Variants in WDR72 observed in about 807,000 individuals in gnomAD.
WDR72 encodes WD repeat-containing protein 72.
Under a neutral mutation model 124.2 loss-of-function variants are expected in WDR72, and 120 were observed. The ratio of observed to expected loss-of-function variants is 0.97; its 90% confidence interval spans 0.83 to 1.12. The LOEUF (loss-of-function observed/expected upper bound fraction) is 1.12. WDR72 is among the 50% of genes most tolerant of loss of function. The pLI, the probability that WDR72 is intolerant of heterozygous loss-of-function variation, is 0.00. For synonymous variants in WDR72, 452 were observed against 441.7 expected (o/e 1.02, Z -0.29); for missense variants, 1,387 against 1,278.8 (o/e 1.08, Z -1.29).
intron 3 of WDR72, among the ~76,000 whole-genome samples, chr15:53,720,345 G>T (rs10518736): frequency 2.6e-5 from 4 of 151,956 alleles, no homozygotes; most frequent in African/African-American, 9.7e-5. Context: ...CCAGAATCGC[G>T]TGTGTGTGAA....
chr15:53,613,500 ATGACT>A (rs1217970881), intron 16 of WDR72, among the ~76,000 whole-genome samples, 161 bp downstream of exon 16: 3 of 152,092 alleles, frequency 2.0e-5, no homozygotes, highest in Non-Finnish European at 2.9e-5. Flanking sequence ...GAAAAGCTAA[ATGACT>A]AGCCTAAAGC....
At chr15:53,688,915 T>A (rs1022575487) in intron 13 of WDR72, among the ~76,000 whole-genome samples, 1 of 152,084 alleles carries the variant, frequency 6.6e-6, no homozygotes, top group African/African-American at 2.4e-5. Flanking sequence ...ACGCCGCATA[T>A]CTACAGCTAT....
intron 16 of WDR72, among the ~76,000 whole-genome samples, chr15:53,610,257 A>G (rs560243044): frequency 3.3e-4 from 50 of 152,238 alleles, no homozygotes; most frequent in African/African-American, 1.1e-3. Context: ...AAACTGGTTC[A>G]TAGAGTGTCC....
At position 53,616,286 on chromosome 15, in the gene WDR72, A is replaced by G. The variant is rs1393027723; in HGVS notation, c.1963-43T>C. 4 of 1,512,664 alleles carry G rather than the reference A, an allele frequency of 2.6e-6. No homozygotes were observed. In the South Asian group the frequency reaches 4.5e-5, roughly 17 times the overall value. The allele number at this position is 1,512,664 out of a possible 1,614,324, so 93.7% of individuals were successfully genotyped here. A position where few individuals can be genotyped will look rare whatever the true frequency, so the allele number is the denominator to read the frequency against. Reference sequence around the variant, plus strand: ...ATTTGTGTCAAAGTTCTTGCTTATTATTTTATTAAAGATTCCATGATGTTA... The same window carrying G: ...ATTTGTGTCAAAGTTCTTGCTTATTGTTTTATTAAAGATTCCATGATGTTA... On this transcript the variant is annotated intron_variant, in intron 14 of 19. Transcript: ENST00000360509.
intron 18 of WDR72, among the ~76,000 whole-genome samples, chr15:53,545,331 C>G (rs1486889077): frequency 6.6e-6 from 1 of 150,782 alleles, no homozygotes; most frequent in African/African-American, 2.5e-5. Context: ...ATCAATGGAA[C>G]AGAACAGAGC....
intron 14 of WDR72, among the ~76,000 whole-genome samples, chr15:53,661,483 C>T (rs2015607310): frequency 6.6e-6 from 1 of 152,146 alleles, no homozygotes; most frequent in African/African-American, 2.4e-5. Flanking sequence ...GGATATGCCC[C>T]ATGACCTAAA....
At chr15:53,760,699 G>T (rs1288712737), upstream of WDR72, among the ~76,000 whole-genome samples, 2 of 152,126 alleles carry the variant, frequency 1.3e-5, no homozygotes, top group African/African-American at 4.8e-5. Flanking sequence ...TGTATACCTA[G>T]CAATCGGGTT....
chr15:53,543,699 T>C (rs1467119411), intron 18 of WDR72, among the ~76,000 whole-genome samples: 1 of 151,640 alleles, frequency 6.6e-6, no homozygotes, highest in Non-Finnish European at 1.5e-5. Context: ...AATTAATGAA[T>C]CCAGGAGCTG....
Position 53,695,451 on chromosome 15 carries a change from C to T in WDR72, c.1765+4299G>A, listed in dbSNP as rs188313243. On this transcript the variant is annotated intron_variant, in intron 13 of 19. Transcript: ENST00000360509. ...CTCACAGCAATGAGGGCGACCAAGCCGCCCAGAGTTGTCAGTGCCAAATAC... is the reference window on the plus strand; with the variant it reads ...CTCACAGCAATGAGGGCGACCAAGCTGCCCAGAGTTGTCAGTGCCAAATAC... Among the ~76,000 whole-genome samples, 330 of 152,318 alleles carry T rather than the reference C, an allele frequency of 2.2e-3. 2 individuals are homozygous for T. Among genetic ancestry groups the T allele is most frequent in the Non-Finnish European group, 3.8e-3 (260 of 68,036 alleles).
intron 18 of WDR72, among the ~76,000 whole-genome samples, chr15:53,548,529 G>C (rs1171642324): frequency 3.9e-5 from 6 of 152,222 alleles, no homozygotes; most frequent in African/African-American, 1.4e-4. Context: ...TCTTTGATAA[G>C]CTCCATTTAC....
At chr15:53,545,547 A>T (rs1335587854) in intron 18 of WDR72, among the ~76,000 whole-genome samples, 1 of 151,984 alleles carries the variant, frequency 6.6e-6, no homozygotes, top group Non-Finnish European at 1.5e-5. Flanking sequence ...TTAGACCTAA[A>T]ACCATAAAAA....
intron 14 of WDR72, among the ~76,000 whole-genome samples, chr15:53,623,524 C>T (rs1331311196): frequency 3.3e-5 from 5 of 151,060 alleles, no homozygotes; most frequent in African/African-American, 9.7e-5. Context: ...TACACACACA[C>T]ATATATATCA....
intron 1 of WDR72, among the ~76,000 whole-genome samples, chr15:53,746,904 A>T (rs181495534): frequency 1.3e-5 from 2 of 152,350 alleles, no homozygotes; most frequent in Non-Finnish European, 2.9e-5. Context: ...AGCAGAGTAA[A>T]GTGGCTTGGC....
In WDR72 at chr15:53,715,246, T is replaced by C. The variant is rs1595869332; in HGVS notation, c.461A>G (p.Gln154Arg). 1 of 1,614,138 alleles carries C rather than the reference T, an allele frequency of 6.2e-7. No individual in the cohort carries two copies. The highest frequency in any genetic ancestry group is 1.1e-5 in the South Asian group (1 of 91,088). ...CATGCAGTTGATCCAGTCAGGAAAC[T>C]GAGATGATCTAAAACTGTGAACAAC... The part of the protein sequence containing the change: ...LAVVHSFRSS[Q>R]FPDWINCMCI... The change falls in exon 5 of 20, where the codon CAG becomes CGG. Residue 154 changes from glutamine to arginine, a missense_variant. Transcript: ENST00000360509.
At chr15:53,578,864 G>A (rs2011763612) in intron 18 of WDR72, among the ~76,000 whole-genome samples, 3 of 152,092 alleles carry the variant, frequency 2.0e-5, no homozygotes, top group Admixed American at 2.0e-4. Context: ...TAAGTCTCAA[G>A]GTGACATTGC....
intron 18 of WDR72, among the ~76,000 whole-genome samples, chr15:53,559,295 A>G (rs1338361587): frequency 6.6e-6 from 1 of 152,032 alleles, no homozygotes; most frequent in Non-Finnish European, 1.5e-5. Context: ...ATGATGATAC[A>G]CATGTGGATT....
chr15:53,722,199 C>T (rs1398876556), intron 3 of WDR72, among the ~76,000 whole-genome samples: 2 of 151,504 alleles, frequency 1.3e-5, no homozygotes, highest in African/African-American at 4.8e-5. Context: ...ATGCCCAGGC[C>T]AATTTTTCTA....
At chr15:53,600,366 A>T (rs2012990810) in intron 17 of WDR72, among the ~76,000 whole-genome samples, 1 of 152,196 alleles carries the variant, frequency 6.6e-6, no homozygotes, top group African/African-American at 2.4e-5. Flanking sequence ...ATGAGCTAGT[A>T]TTGAGCATTA....
chr15:53,594,627 T>TTA lies in WDR72; in HGVS notation c.3148+2451_3148+2452insTA, dbSNP rs532975468. Reference sequence around the variant, plus strand: ...TCCCATCTGTACTAAAAATAAAAATTAAAAAAAAAAAAAAACTAGCTTATA... The same window carrying TTA: ...TCCCATCTGTACTAAAAATAAAAATTTAAAAAAAAAAAAAAAACTAGCTTATA... On this transcript the variant is annotated intron_variant, in intron 18 of 19. Coordinates refer to ENST00000360509, the MANE Select transcript of WDR72 (RefSeq NM_182758.4). 1.7e-4 allele frequency among the ~76,000 whole-genome samples: 24 copies of TTA among 142,042 alleles called. No homozygotes were observed. The South Asian group carries it at 2.0e-3, about 12-fold the overall frequency. 93.2% of individuals were successfully genotyped at this position (142,042 alleles called of 152,430 possible).
Sources: allele counts gnomAD v4.1 joint callset (sites outside exome capture counted in the v4.1 genomes callset), GRCh38; gene constraint gnomAD v4.1.1; transcripts MANE v1.5; gene names NCBI Gene and HGNC (gene_info 2026-07-23, HGNC 2026-07-21).